Variants in LETMD1 observed in about 807,000 individuals in gnomAD.
LETMD1 encodes the protein LETM1 domain containing 1.
A neutral mutation model predicts 43.9 loss-of-function variants in LETMD1; 30 were observed. The ratio of observed to expected loss-of-function variants is 0.68; its 90% CI spans 0.51 to 0.93. The LOEUF is 0.93. Among genes scored for constraint, LETMD1 ranks in the 40% least tolerant of loss-of-function variants. The pLI is 0.00. For missense variants in LETMD1, 413 were observed against 447.7 expected (o/e 0.92, Z 0.70); for synonymous variants, 176 against 163.1 (o/e 1.08, Z -0.60).
downstream of LETMD1, chr12:51,064,353 G>A: frequency 6.2e-7 from 1 of 1,614,192 alleles, no homozygotes; most frequent in South Asian, 1.1e-5. Context: ...AGAGCCGCTG[G>A]AATCTTCTTC....
At chr12:51,065,812 A>G in the LETMD1 span, among the ~76,000 whole-genome samples, 1 of 152,136 alleles carries the variant, frequency 6.6e-6, no homozygotes, top group Non-Finnish European at 1.5e-5. Flanking sequence ...AGAATGACTC[A>G]TTATGGGACT....
chr12:51,058,056 T>C lies in LETMD1; in HGVS notation c.940T>C (p.Ser314Pro), dbSNP rs760178640. The stretch of plus-strand genomic sequence containing the variant: ...GGCTTGTTATCTCCGTGGCCTGAAT[T>C]CTACGCATATTGGTGAAGATAGGTG... ...KSACYLRGLNSTHIGEDRCRT... is the reference protein window; with the variant it reads ...KSACYLRGLNPTHIGEDRCRT... The change falls in exon 8 of 9, where the codon TCT becomes CCT. Residue 314 changes from serine (S) to proline (P), a missense_variant. Ser to Pro is a moderately conservative substitution (Grantham distance 74, BLOSUM62 -1). Coordinates refer to ENST00000262055, the MANE Select transcript of LETMD1 (RefSeq NM_015416.5). The C allele has an allele frequency of 1.2e-6, 2 of 1,613,508 alleles. No homozygotes were observed. Among genetic ancestry groups the C allele is most frequent in the South Asian group, 2.2e-5 (2 of 91,072 alleles).
chr12:51,068,784 A>G, the LETMD1 span, among the ~76,000 whole-genome samples: 12 of 151,242 alleles, frequency 7.9e-5, no homozygotes, highest in Admixed American at 2.6e-4. Flanking sequence ...TACCTTCTTG[A>G]AAAAAAAAGG....
At position 51,054,563 on chromosome 12, in the gene LETMD1, A is replaced by G. The variant is rs116422073; in HGVS notation, c.473+703A>G. Among the ~76,000 whole-genome samples the G allele has an allele frequency of 6.0e-3, 921 of 152,296 alleles. 6 individuals carry two copies. The highest frequency in any genetic ancestry group is 0.02 in the African/African-American group (814 of 41,562). On this transcript the variant is annotated intron_variant, in intron 4 of 8. Transcript: ENST00000262055. ...GCTTCTTCAGTATGGCAGCCTCAAG[A>G]TAGTGGGACTTCTAACTTGGGAGCT... is the stretch of plus-strand genomic sequence containing the variant.
Position 51,055,723 on chromosome 12 carries a change from A to G in LETMD1, c.474-112A>G, listed in dbSNP as rs955341801. The G allele has an allele frequency of 9.4e-5, 56 of 594,058 alleles. 1 individual carries two copies. The African/African-American group carries it at 9.6e-4, about 10-fold the overall frequency. 36.8% of individuals were successfully genotyped at this position (594,058 alleles called of 1,614,324 possible). A position where few individuals can be genotyped will look rare whatever the true frequency, so the allele number is the denominator to read the frequency against. On this transcript the variant is annotated intron_variant, in intron 4 of 8. Transcript: ENST00000262055. ...AGAAAAAGAACACTGAGGTAGGGAAATAGTGTCTCCATCTCTTCTTCCTAG... is the reference window on the plus strand; with the variant it reads ...AGAAAAAGAACACTGAGGTAGGGAAGTAGTGTCTCCATCTCTTCTTCCTAG...
intron 8 of LETMD1, 112 bp downstream of exon 8, chr12:51,058,240 A>G: frequency 1.4e-6 from 1 of 708,918 alleles, no homozygotes; most frequent in Non-Finnish European, 2.5e-6. Flanking sequence ...ATATACATAC[A>G]TCTAATTGAA....
chr12:51,058,989 C>G (rs1003883383), intron 8 of LETMD1: 2 of 287,544 alleles, frequency 7.0e-6, no homozygotes, highest in Non-Finnish European at 1.4e-5. Context: ...CCTGTTTAGG[C>G]TAGGTCTTGA....
chr12:51,063,965 A>G, downstream of LETMD1: 3 of 1,613,230 alleles, frequency 1.9e-6, no homozygotes, highest in Non-Finnish European at 2.5e-6. Context: ...CCTCTGATTT[A>G]CAGAGGGCAG....
Position 51,060,053 on chromosome 12 carries a change from T to C in LETMD1, c.*622T>C, listed in dbSNP as rs1311805811. 2.0e-5 allele frequency: 3 copies of C among 153,040 alleles called. No homozygotes were observed. The highest frequency in any genetic ancestry group is 2.9e-5 in the Non-Finnish European group (2 of 68,358). 9.5% of individuals were successfully genotyped at this position (153,040 alleles called of 1,614,324 possible). A position where few individuals can be genotyped will look rare whatever the true frequency, so the allele number is the denominator to read the frequency against. ...ATGGGTAACTTGCAGGAATATTCTA[T>C]TGGAAAAGATAACAGGAAGTACAAG... On this transcript the variant is annotated 3_prime_UTR_variant, in exon 9 of 9. Transcript: ENST00000262055.
chr12:51,061,572 T>TAATA (rs888869689), downstream of LETMD1: 2 of 152,632 alleles, frequency 1.3e-5, no homozygotes, highest in Admixed American at 1.3e-4. Context: ...TGCTAAATGT[T>TAATA]AATATTTAGC....
intron 8 of LETMD1, chr12:51,058,880 G>A (rs549323151): frequency 1.3e-4 from 22 of 167,506 alleles, no homozygotes; most frequent in African/African-American, 3.8e-4. Context: ...GATTGTCCCC[G>A]TTGAGAAGTA....
chr12:51,064,755 T>G, downstream of LETMD1: 1 of 1,256,232 alleles, frequency 8.0e-7, no homozygotes, highest in Non-Finnish European at 1.1e-6. Flanking sequence ...AAACAGGCAG[T>G]TGGGATTTGA....
In LETMD1 at chr12:51,056,379, A is replaced by G. The variant is rs372938258; in HGVS notation, c.792A>G (p.Thr264=). 6 of 1,614,160 alleles carry G rather than the reference A, an allele frequency of 3.7e-6. No individual in the cohort carries two copies. Among genetic ancestry groups the G allele is most frequent in the East Asian group, 4.5e-5 (2 of 44,880 alleles). Residue 264 remains threonine, a synonymous_variant, in exon 7 of 9, where the codon ACA becomes ACG. Coordinates refer to ENST00000262055, the MANE Select transcript of LETMD1 (RefSeq NM_015416.5). ...VKALSRAMLL[T]SYLPPPLLRH... Reference sequence around the variant, plus strand: ...CCTTGAGCCGGGCCATGCTTCTCACATCTTACCTGCCTCCTCCCTTGTTGA... The same window carrying G: ...CCTTGAGCCGGGCCATGCTTCTCACGTCTTACCTGCCTCCTCCCTTGTTGA...
At chr12:51,063,186 T>C (rs1054992972), downstream of LETMD1, 5 of 152,086 alleles carry the variant, frequency 3.3e-5, no homozygotes, top group African/African-American at 7.2e-5. Flanking sequence ...TTACCAAATA[T>C]GGGATTGAAG....
the LETMD1 span, among the ~76,000 whole-genome samples, chr12:51,066,904 G>A: frequency 6.6e-6 from 1 of 152,106 alleles, no homozygotes; most frequent in Non-Finnish European, 1.5e-5. Context: ...ATAGCTTACT[G>A]CAACCTATGC....
At chr12:51,049,297 T>A in intron 2 of LETMD1, 112 bp downstream of exon 2, 1 of 902,432 alleles carries the variant, frequency 1.1e-6, no homozygotes, top group African/African-American at 1.7e-5. Context: ...AGCCGAGATA[T>A]CTTATATTTC....
downstream of LETMD1, chr12:51,063,878 G>T (rs1372406488): frequency 1.9e-6 from 3 of 1,614,132 alleles, no homozygotes; most frequent in East Asian, 2.2e-5. Flanking sequence ...ACCAGGAAGG[G>T]TGGAAGTCTT....
chr12:51,056,286 T>C (rs1307454065), intron 6 of LETMD1, 41 bp downstream of exon 6: 1 of 1,613,298 alleles, frequency 6.2e-7, no homozygotes, highest in South Asian at 1.1e-5. Flanking sequence ...AGCATCACCA[T>C]GTTTCAGGTG....
intron 4 of LETMD1, among the ~76,000 whole-genome samples, chr12:51,055,459 G>A (rs1320558773): frequency 6.6e-6 from 1 of 151,962 alleles, no homozygotes; most frequent in Non-Finnish European, 1.5e-5. Flanking sequence ...GAGACCAGGA[G>A]TTTGAGACCA....
Sources: allele counts gnomAD v4.1 joint callset (sites outside exome capture counted in the v4.1 genomes callset), GRCh38; gene constraint gnomAD v4.1.1; transcripts MANE v1.5; gene names NCBI Gene and HGNC (gene_info 2026-07-23, HGNC 2026-07-21).